The following ABCB1 variants were observed in gnomAD, a reference collection of about 807,000 sequenced individuals.
ABCB1 encodes the protein ATP-dependent translocase ABCB1.
ABCB1 carries 69 observed loss-of-function variants against 142.0 expected under a neutral mutation model. That is an observed-to-expected ratio of 0.49 (90% CI 0.40 to 0.59). ABCB1 has a LOEUF of 0.59. ABCB1 is among the 20% of genes least tolerant of loss of function. The probability of loss-of-function intolerance (pLI) is 0.00; values close to 1 mark genes in which losing one functional copy is unlikely to be tolerated. For synonymous variants in ABCB1, 532 were observed against 539.2 expected, an observed-to-expected ratio of 0.99 and a Z score of 0.18; for missense variants, 1,326 against 1,554.7, an observed-to-expected ratio of 0.85 and a Z score of 2.47.
rs1820451074 is a variant in ABCB1, at chr7:87,626,106, A to ATATATGTGTCATATATATTGTCATC, written c.-330-25029_-330-25028insGATGACAATATATATGACACATATA. 3.6e-5 allele frequency among the ~76,000 whole-genome samples: 5 copies of ATATATGTGTCATATATATTGTCATC among 137,530 alleles called. 2 individuals are homozygous for ATATATGTGTCATATATATTGTCATC. Among genetic ancestry groups the ATATATGTGTCATATATATTGTCATC allele is most frequent in the African/African-American group, 1.4e-4 (5 of 36,486 alleles). The allele number at this position is 137,530 out of a possible 152,430, so 90.2% of individuals were successfully genotyped here. ...TATATATATATATATATATTGTCAT[A>ATATATGTGTCATATATATTGTCATC]TATATGTGTCATATATATTGTCATA... is the stretch of plus-strand genomic sequence containing the variant. On this transcript the variant is annotated intron_variant, in intron 1 of 28. Transcript: ENST00000265724.
intron 20 of ABCB1, among the ~76,000 whole-genome samples, chr7:87,535,653 A>G (rs941816400): frequency 8.5e-5 from 13 of 152,294 alleles, no homozygotes; most frequent in African/African-American, 3.1e-4. Context: ...TTATATTTCA[A>G]CGTTATAACT....
chr7:87,671,864 CT>C (rs1272410383), intron 1 of ABCB1, among the ~76,000 whole-genome samples: 3 of 152,226 alleles, frequency 2.0e-5, no homozygotes, highest in Non-Finnish European at 2.9e-5. Flanking sequence ...GCCACTCCCC[CT>C]GGGAGCACTG....
At chr7:87,517,194 T>C (rs1203759618) in intron 23 of ABCB1, among the ~76,000 whole-genome samples, 1 of 152,204 alleles carries the variant, frequency 6.6e-6, no homozygotes. Flanking sequence ...TCTCTCTGTA[T>C]CCTCATCTTC....
intron 2 of ABCB1, among the ~76,000 whole-genome samples, chr7:87,596,040 T>A (rs1457835023): frequency 6.6e-6 from 1 of 152,056 alleles, no homozygotes; most frequent in Admixed American, 6.5e-5. Flanking sequence ...AGTGCTGGAA[T>A]CTCTCTAAAA....
intron 20 of ABCB1, among the ~76,000 whole-genome samples, chr7:87,531,888 T>TG: frequency 6.6e-6 from 1 of 152,324 alleles, no homozygotes; most frequent in African/African-American, 2.4e-5. Context: ...GCCTAACGTT[T>TG]GTCATTAATA....
chr7:87,709,538 C>A, intron 1 of ABCB1: 1 of 984,618 alleles, frequency 1.0e-6, no homozygotes, highest in Non-Finnish European at 1.2e-6. Flanking sequence ...GCTAACCATA[C>A]CCTTATCATT....
intron 8 of ABCB1, among the ~76,000 whole-genome samples, chr7:87,558,360 G>T (rs1356370191): frequency 6.6e-6 from 1 of 152,112 alleles, no homozygotes; most frequent in Non-Finnish European, 1.5e-5. Flanking sequence ...TGGTTTACAG[G>T]AATGCCATTT....
intron 1 of ABCB1, among the ~76,000 whole-genome samples, chr7:87,711,848 C>T (rs556431515): frequency 9.9e-5 from 15 of 152,012 alleles, no homozygotes; most frequent in East Asian, 1.9e-4. Context: ...TCTAAACTAC[C>T]GTTCTTTTTT....
chr7:87,507,091 G>T (rs193148896), intron 26 of ABCB1, among the ~76,000 whole-genome samples: 163 of 152,292 alleles, frequency 1.1e-3, no homozygotes, highest in African/African-American at 3.8e-3. Context: ...GCCACCTACA[G>T]GGTGAGGTAA....
chr7:87,560,893 G>A (rs541849290), intron 8 of ABCB1, among the ~76,000 whole-genome samples: 72 of 152,122 alleles, frequency 4.7e-4, no homozygotes, highest in Non-Finnish European at 2.8e-4. Context: ...CTGAATAGGG[G>A]CAGAAAGGAA....
intron 24 of ABCB1, 125 bp downstream of exon 24, chr7:87,516,384 T>G (rs1389939613): frequency 8.1e-7 from 1 of 1,237,196 alleles, no homozygotes; most frequent in African/African-American, 1.5e-5. Context: ...GAAAGGAATC[T>G]ATGATCTAGG....
intron 1 of ABCB1, among the ~76,000 whole-genome samples, chr7:87,688,385 T>C (rs1827683265): frequency 6.6e-6 from 1 of 151,892 alleles, no homozygotes; most frequent in Admixed American, 6.6e-5. Context: ...AATATATACA[T>C]ATATATACAC....
At chr7:87,570,989 C>T (rs1463029325) in intron 4 of ABCB1, among the ~76,000 whole-genome samples, 1 of 151,988 alleles carries the variant, frequency 6.6e-6, no homozygotes, top group African/African-American at 2.4e-5. Flanking sequence ...CACTTGTTTC[C>T]AATATTTTAC....
In ABCB1 at chr7:87,555,781, C is replaced by T. The variant is rs370057846; in HGVS notation, c.828-1849G>A. Among the ~76,000 whole-genome samples, 3 of 152,098 alleles carry T rather than the reference C, an allele frequency of 2.0e-5. No homozygotes were observed. The South Asian group carries it at 6.2e-4, about 31-fold the overall frequency. On this transcript the variant is annotated intron_variant, in intron 8 of 27. Transcript: ENST00000622132. ...CATATCTCTCACTTTATGAGTTGAT[C>T]TGAGGTAAAAGCTACCACTGGGCAT...
intron 1 of ABCB1, among the ~76,000 whole-genome samples, chr7:87,625,514 A>G (rs1820383288): frequency 6.6e-6 from 1 of 152,152 alleles, no homozygotes; most frequent in Non-Finnish European, 1.5e-5. Context: ...GTTTTTAGAA[A>G]TTTTATTGAT....
At chr7:87,685,237 TTAA>T (rs1184516240) in intron 1 of ABCB1, among the ~76,000 whole-genome samples, 1 of 152,140 alleles carries the variant, frequency 6.6e-6, no homozygotes, top group Non-Finnish European at 1.5e-5. Context: ...TATAAAAACC[TTAA>T]TAATATGAAA....
At chr7:87,682,703 C>T (rs2130597834) in intron 1 of ABCB1, among the ~76,000 whole-genome samples, 1 of 152,278 alleles carries the variant, frequency 6.6e-6, no homozygotes, top group South Asian at 2.1e-4. Context: ...GTCATCCAGG[C>T]TTTGTTGCTC....
intron 21 of ABCB1, among the ~76,000 whole-genome samples, chr7:87,526,182 T>G (rs966264438): frequency 1.3e-5 from 2 of 151,058 alleles, no homozygotes; most frequent in Non-Finnish European, 2.9e-5. Flanking sequence ...TTTTTTCATA[T>G]CTCCTATTTC....
chr7:87,711,951 C>A (rs1207724402), intron 1 of ABCB1, among the ~76,000 whole-genome samples: 1 of 152,162 alleles, frequency 6.6e-6, no homozygotes, highest in African/African-American at 2.4e-5. Context: ...GAAATCATAT[C>A]TCTGAGATCT....
Sources: gnomAD v4.1 joint callset for allele counts (sites outside exome capture counted in the v4.1 genomes callset) on GRCh38, gnomAD v4.1.1 for gene constraint, MANE v1.5 for transcripts, NCBI Gene and HGNC (gene_info 2026-07-23, HGNC 2026-07-21) for gene names.